Variants in SECISBP2L observed in about 807,000 individuals in gnomAD.
SECISBP2L encodes SECIS binding protein 2 like.
A neutral mutation model predicts 114.7 loss-of-function variants in SECISBP2L; 43 were observed. The ratio of observed to expected loss-of-function variants is 0.38; its 90% confidence interval spans 0.29 to 0.48. The LOEUF is 0.48. Among genes scored for constraint, SECISBP2L ranks in the 20% least tolerant of loss-of-function variants. The pLI is 0.98. For missense variants in SECISBP2L, 1,136 were observed against 1,301.1 expected (o/e 0.87, Z 1.95); for synonymous variants, 451 against 439.7 (o/e 1.03, Z -0.32).
chr15:49,036,724 T>C (rs1481243291), intron 2 of SECISBP2L, among the ~76,000 whole-genome samples: 1 of 152,232 alleles, frequency 6.6e-6, no homozygotes, highest in African/African-American at 2.4e-5. Flanking sequence ...GAATATTAAC[T>C]TGAACATTTA....
chr15:48,996,130 C>A (rs970282160), intron 17 of SECISBP2L: 1 of 451,510 alleles, frequency 2.2e-6, no homozygotes, highest in Non-Finnish European at 4.0e-6. Context: ...CTTTTTAAAG[C>A]CCCTGAGGCT....
At chr15:49,026,132 T>TA (rs1232169380) in intron 7 of SECISBP2L, among the ~76,000 whole-genome samples, 5 of 152,140 alleles carry the variant, frequency 3.3e-5, no homozygotes, top group Admixed American at 2.6e-4. Flanking sequence ...CACAGAAAGA[T>TA]AAATAACACA....
chr15:49,021,280 A>G (rs2141074874), intron 7 of SECISBP2L, among the ~76,000 whole-genome samples: 1 of 152,308 alleles, frequency 6.6e-6, no homozygotes, highest in Middle Eastern at 3.4e-3. Context: ...TCTGTTGTTT[A>G]TAAGTCACTG....
In SECISBP2L at chr15:48,991,288, G is replaced by A. The variant is rs887556684; in HGVS notation, c.*956C>T. On this transcript the variant is annotated 3_prime_UTR_variant, in exon 18 of 18. Transcript: ENST00000559471. The stretch of plus-strand genomic sequence containing the variant: ...GTGCAAAATAGGTATTTTTTAAAAG[G>A]TGAAACAGTTTTGCACTCAGGACAA... 1 of 152,272 alleles carries A rather than the reference G, an allele frequency of 6.6e-6. No homozygotes were observed. Among genetic ancestry groups the A allele is most frequent in the Non-Finnish European group, 1.5e-5 (1 of 68,022 alleles). The allele number at this position is 152,272 out of a possible 1,614,324, so 9.4% of individuals were successfully genotyped here.
intron 12 of SECISBP2L, 130 bp downstream of exon 12, chr15:49,012,518 G>T (rs894794019): frequency 3.6e-5 from 33 of 905,088 alleles, no homozygotes; most frequent in Non-Finnish European, 4.6e-5. Flanking sequence ...ACACATTATC[G>T]TCAAGATTCA....
In SECISBP2L at chr15:49,016,939, C is replaced by T. The variant is rs142270681; in HGVS notation, c.1328G>A (p.Arg443His). 1.2e-6 allele frequency: 2 copies of T among 1,613,802 alleles called. No homozygotes were observed. Among genetic ancestry groups the T allele is most frequent in the Non-Finnish European group, 8.5e-7 (1 of 1,179,930 alleles). The change falls in exon 10 of 18, where the codon CGT becomes CAT. Residue 443 changes from arginine to histidine, a missense_variant. Physicochemically the swap from Arg to His is conservative, Grantham distance 29. Transcript: ENST00000559471. ...PIPITTSVPK[R>H]AKSQKKKALA... is the part of the protein sequence containing the mutation. ...AGCTTTCTTCTTCTGACTTTTTGCA[C>T]GTTTGGGAACTGAGGTGGTAATAGG... is the stretch of plus-strand genomic sequence containing the variant.
At chr15:49,036,707 A>G (rs1206147403) in intron 2 of SECISBP2L, among the ~76,000 whole-genome samples, 2 of 152,250 alleles carry the variant, frequency 1.3e-5, no homozygotes, top group Non-Finnish European at 2.9e-5. Context: ...CTTGATTAAC[A>G]GCCTCAGAAT....
rs561724025 is a variant in SECISBP2L at position 49,021,118 on chromosome 15, A to G, written c.1036-1566T>C. On this transcript the variant is annotated intron_variant, in intron 7 of 17. Coordinates refer to ENST00000559471, the MANE Select transcript of SECISBP2L (RefSeq NM_001193489.2). ...TCACAAATGGGATTAGTGACCTCATATAAGAAACCCCAGAGACGCCTTCAC... is the reference window on the plus strand; with the variant it reads ...TCACAAATGGGATTAGTGACCTCATGTAAGAAACCCCAGAGACGCCTTCAC... 4.6e-5 allele frequency among the ~76,000 whole-genome samples: 7 copies of G among 152,220 alleles called. No homozygotes were observed. The South Asian group carries it at 1.2e-3, about 27-fold the overall frequency.
chr15:48,999,798 T>C, intron 16 of SECISBP2L, 35 bp downstream of exon 16: 2 of 1,599,770 alleles, frequency 1.3e-6, no homozygotes, highest in South Asian at 2.2e-5. Flanking sequence ...GGGGATGTGC[T>C]GGAGAGCAAG....
chr15:49,042,222 T>TA (rs1903153879), intron 1 of SECISBP2L: 1 of 152,254 alleles, frequency 6.6e-6, no homozygotes, highest in African/African-American at 2.4e-5. Context: ...CTTGGATGCT[T>TA]AATTTTCATT....
At chr15:49,000,366 A>G (rs1012877566) in intron 15 of SECISBP2L, among the ~76,000 whole-genome samples, 1 of 152,218 alleles carries the variant, frequency 6.6e-6, no homozygotes, top group Non-Finnish European at 1.5e-5. Flanking sequence ...TCGATTACAC[A>G]TTACTGGTCT....
Position 49,011,845 on chromosome 15 carries a change from CTCTT to C in SECISBP2L, c.1746_1749del (p.Glu584LysfsTer6), listed in dbSNP as rs1188859319. 2 of 1,613,930 alleles carry C rather than the reference CTCTT, an allele frequency of 1.2e-6. No homozygotes were observed. Among genetic ancestry groups the C allele is most frequent in the Non-Finnish European group, 1.7e-6 (2 of 1,179,952 alleles). On this transcript the variant is annotated frameshift_variant, in exon 13 of 18. Transcript: ENST00000559471. LOFTEE classifies it high-confidence loss of function. ...ACAGTTAAGCGCCCCTTCTTTTCCT[CTCTT>C]TCTTTTAAAATAACCTAAAAGTCAT... is the stretch of plus-strand genomic sequence containing the variant.
chr15:48,992,285 T>C lies in SECISBP2L; in HGVS notation c.3265A>G (p.Lys1089Glu), dbSNP rs1901994885. ...GTGTAATTAGAATCAGAGTGCTCTT[T>C]GTTGAGCGAGCTGCAGTTGCTGGAC... is the stretch of plus-strand genomic sequence containing the variant. ...QKSSNCSSLN[K>E]EHSDSNYTTQ... The change falls in exon 18 of 18, where the codon AAA becomes GAA. Residue 1089 changes from lysine (K) to glutamate (E), a missense_variant. Transcript: ENST00000559471. The C allele has an allele frequency of 6.2e-7, 1 of 1,612,370 alleles. No homozygotes were observed. The highest frequency in any genetic ancestry group is 8.5e-7 in the Non-Finnish European group (1 of 1,179,450).
chr15:49,028,659 T>G lies in SECISBP2L; in HGVS notation c.688A>C (p.Lys230Gln). 1 of 1,614,100 alleles carries G rather than the reference T, an allele frequency of 6.2e-7. No homozygotes were observed. ...GTTGCAGTGGTCTCTGAGAGAGACT[T>G]GTTAGCGATATCTGATGGGAAATCT... Reference protein sequence around the residue: ...QTDFPSDIANKSLSETTATML... With the variant: ...QTDFPSDIANQSLSETTATML... The change falls in exon 5 of 18, where the codon AAG becomes CAG. Residue 230 changes from lysine to glutamine, a missense_variant. Around this residue, in one of 2 missense-constraint regions of SECISBP2L, gnomAD observed 452 missense variants for 452.3 expected, o/e 1.00. Coordinates refer to ENST00000559471, the MANE Select transcript of SECISBP2L (RefSeq NM_001193489.2).
At chr15:49,020,761 G>A (rs1051772407) in intron 7 of SECISBP2L, among the ~76,000 whole-genome samples, 2 of 151,952 alleles carry the variant, frequency 1.3e-5, no homozygotes, top group Admixed American at 6.6e-5. Flanking sequence ...CTCCTGCCTC[G>A]CCTCCCAAAG....
At chr15:49,032,014 T>C (rs934540427) in intron 4 of SECISBP2L, among the ~76,000 whole-genome samples, 9 of 152,238 alleles carry the variant, frequency 5.9e-5, no homozygotes, top group Non-Finnish European at 4.4e-5. Context: ...AACCACACAA[T>C]GACTGTACTA....
rs968831207 is a variant in SECISBP2L at position 49,028,023 on chromosome 15, T to C, written c.919+121A>G. ...GCAAAACTGTACTTCCAAATTACCT[T>C]GAATCTCTGGAAGACTTCTAAGTTT... On this transcript the variant is annotated intron_variant, in intron 6 of 17. Coordinates refer to ENST00000559471, the MANE Select transcript of SECISBP2L (RefSeq NM_001193489.2). The C allele has an allele frequency of 1.0e-5, 9 of 872,980 alleles. No individual in the cohort carries two copies. In the African/African-American group the frequency reaches 1.4e-4, roughly 13 times the overall value. The allele number at this position is 872,980 out of a possible 1,614,324, so 54.1% of individuals were successfully genotyped here.
At position 48,992,244 on chromosome 15, in the gene SECISBP2L, T is replaced by C; in HGVS notation, c.3306A>G (p.Ter1102=). ...AGATAGAGAGCCGACATTTCCTGAG[T>C]TACGTAGTTTGCGTTGTGTAATTAG... ...SDSNYTTQTT[*] is the part of the protein sequence containing the mutation. The change falls in exon 18 of 18, where the codon TAA becomes TAG. Residue 1102 remains the stop codon, a stop_retained_variant. Coordinates refer to ENST00000559471, the MANE Select transcript of SECISBP2L (RefSeq NM_001193489.2). The C allele has an allele frequency of 6.3e-7, 1 of 1,594,324 alleles. No homozygotes were observed. The highest frequency in any genetic ancestry group is 8.6e-7 in the Non-Finnish European group (1 of 1,169,548).
intron 1 of SECISBP2L, among the ~76,000 whole-genome samples, chr15:49,043,623 T>TTTC (rs779185774): frequency 1.0e-3 from 150 of 147,770 alleles, no homozygotes; most frequent in South Asian, 4.3e-4. Flanking sequence ...TTTTTTTTTT[T>TTTC]CAGGGGAAAA....
Sources: gnomAD v4.1 joint callset for allele counts (sites outside exome capture counted in the v4.1 genomes callset) on GRCh38, gnomAD v4.1.1 for gene constraint, gnomAD v4.1.1 regional missense constraint, MANE v1.5 for transcripts, NCBI Gene and HGNC (gene_info 2026-07-23, HGNC 2026-07-21) for gene names.